The following IL12RB1 variants were observed in gnomAD, a reference collection of about 807,000 sequenced individuals.
The protein encoded by IL12RB1 is interleukin 12 receptor subunit beta 1, also known as interleukin-12 receptor subunit beta-1.
A neutral mutation model predicts 94.4 loss-of-function variants in IL12RB1; 64 were observed. The ratio of observed to expected loss-of-function variants is 0.68; its 90% confidence interval spans 0.55 to 0.83. The LOEUF is 0.83. Ranked by LOEUF, IL12RB1 falls within the 40% of genes least tolerant of loss-of-function variation. The pLI is 0.00. For synonymous variants in IL12RB1, 362 were observed against 355.5 expected (o/e 1.02, Z -0.21); for missense variants, 814 against 855.6 (o/e 0.95, Z 0.61).
intron 1 of IL12RB1, among the ~76,000 whole-genome samples, chr19:18,085,476 G>A (rs1269314934): frequency 6.6e-6 from 1 of 151,914 alleles, no homozygotes; most frequent in East Asian, 1.9e-4. Context: ...GCCATGCCTG[G>A]CCCCTGAAGG....
chr19:18,075,011 C>T (rs1214573225), intron 7 of IL12RB1, among the ~76,000 whole-genome samples: 1 of 151,138 alleles, frequency 6.6e-6, no homozygotes, highest in Non-Finnish European at 1.5e-5. Flanking sequence ...GAGATGGCGC[C>T]ACTGCACTCC....
At chr19:18,064,348 C>G (rs1224321259) in intron 12 of IL12RB1, among the ~76,000 whole-genome samples, 1 of 151,604 alleles carries the variant, frequency 6.6e-6, no homozygotes, top group African/African-American at 2.4e-5. Context: ...ACTGTGTTAG[C>G]CAGGATGGTC....
chr19:18,083,585 G>GGGGGGCCC, intron 1 of IL12RB1, 94 bp from the exon 2 acceptor site: 1 of 1,228,768 alleles, frequency 8.1e-7, no homozygotes, highest in Non-Finnish European at 1.2e-6. Flanking sequence ...GTGATCATCA[G>GGGGGGCCC]CCCTCCCACC....
At chr19:18,061,002 G>T (rs947435489) in intron 15 of IL12RB1, 120 bp downstream of exon 15, 1 of 698,086 alleles carries the variant, frequency 1.4e-6, no homozygotes, top group East Asian at 2.7e-5. Flanking sequence ...GGGGTATGGA[G>T]CACTGGTTTT....
intron 5 of IL12RB1, 61 bp downstream of exon 5, chr19:18,077,455 T>C (rs1004111086): frequency 1.4e-5 from 18 of 1,313,538 alleles, no homozygotes; most frequent in Non-Finnish European, 1.8e-5. Flanking sequence ...TGAGACTGAT[T>C]TGGGGGTGAA....
At chr19:18,097,495 G>T (rs1418660635) in intron 1 of IL12RB1, among the ~76,000 whole-genome samples, 1 of 152,186 alleles carries the variant, frequency 6.6e-6, no homozygotes, top group African/African-American at 2.4e-5. Context: ...ACTGCGCCCG[G>T]CCAATGCGCT....
chr19:18,090,405 C>G (rs1207148108), upstream of IL12RB1, among the ~76,000 whole-genome samples: 1 of 152,152 alleles, frequency 6.6e-6, no homozygotes, highest in Non-Finnish European at 1.5e-5. Context: ...TGGCCCCCTC[C>G]TGACCATCCT....
At chr19:18,073,053 CCTGA>C (rs1296645044) in intron 8 of IL12RB1, among the ~76,000 whole-genome samples, 3 of 151,556 alleles carry the variant, frequency 2.0e-5, no homozygotes, top group African/African-American at 7.3e-5. Context: ...CCATTAGGGA[CCTGA>C]CTAAGATGAC....
Position 18,062,282 on chromosome 19 carries a change from G to C in IL12RB1, c.1619-5C>G. 1 of 1,597,402 alleles carries C rather than the reference G, an allele frequency of 6.3e-7. No homozygotes were observed. Among genetic ancestry groups the C allele is most frequent in the Non-Finnish European group, 8.6e-7 (1 of 1,166,356 alleles). Reference sequence around the variant, plus strand: ...GCCAATCAGAAACCTGCACTTCTGAGGTGGGAGAGCGTGGGTTGGCAGAGG... The same window carrying C: ...GCCAATCAGAAACCTGCACTTCTGACGTGGGAGAGCGTGGGTTGGCAGAGG... On this transcript the variant is annotated splice_polypyrimidine_tract_variant and splice_region_variant and intron_variant, in intron 13 of 16. Transcript: ENST00000593993.
intron 10 of IL12RB1, among the ~76,000 whole-genome samples, chr19:18,068,998 C>T (rs2034811174): frequency 6.6e-6 from 1 of 150,648 alleles, no homozygotes; most frequent in South Asian, 2.1e-4. Flanking sequence ...GATCCACCTG[C>T]CTCAGCCTCC....
rs1599489227 is a variant in IL12RB1 at position 18,070,465 on chromosome 19, G to A, written c.1022-752C>T. 9 of 936,022 alleles carry A rather than the reference G, an allele frequency of 9.6e-6. No individual in the cohort carries two copies. The South Asian group carries it at 3.4e-4, about 36-fold the overall frequency. The allele number at this position is 936,022 out of a possible 1,614,324, so 58.0% of individuals were successfully genotyped here. On this transcript the variant is annotated intron_variant, in intron 9 of 16. Coordinates refer to ENST00000593993, the MANE Select transcript of IL12RB1 (RefSeq NM_005535.3). ...GGTCTCATGCCAAACTCAGAAGCAC[G>A]AGCACACACCCACTCAGTCCCTGGG...
intron 8 of IL12RB1, among the ~76,000 whole-genome samples, chr19:18,072,763 C>T (rs1188382042): frequency 1.3e-5 from 2 of 151,728 alleles, no homozygotes; most frequent in African/African-American, 4.8e-5. Context: ...CTGGCTAACA[C>T]GGTGAAACCC....
At chr19:18,091,868 C>CTTTT (rs1264996682), upstream of IL12RB1, among the ~76,000 whole-genome samples, 5 of 120,488 alleles carry the variant, frequency 4.1e-5, no homozygotes, top group Non-Finnish European at 8.6e-5. Flanking sequence ...CCTGGCTTTT[C>CTTTT]TTTTTTTTTT....
At chr19:18,092,905 GT>G (rs541560663) in intron 1 of IL12RB1, among the ~76,000 whole-genome samples, 7 of 152,276 alleles carry the variant, frequency 4.6e-5, no homozygotes, top group African/African-American at 1.7e-4. Context: ...TGTGAGGAGA[GT>G]TTTGATGGGT....
At chr19:18,068,569 TC>T in intron 10 of IL12RB1, 43 bp from the exon 11 acceptor site, 1 of 1,573,612 alleles carries the variant, frequency 6.4e-7, no homozygotes, top group African/African-American at 1.3e-5. Context: ...TAGATTGTGT[TC>T]CCACCTCTGC....
Position 18,069,687 on chromosome 19 carries a change from C to T in IL12RB1, c.1048G>A (p.Gly350Arg), listed in dbSNP as rs200811721. 1.4e-4 allele frequency: 229 copies of T among 1,612,496 alleles called. No homozygotes were observed. The highest frequency in any genetic ancestry group is 4.9e-4 in the Middle Eastern group (3 of 6,082). Residue 350 changes from glycine to arginine, a missense_variant, in exon 10 of 17, where the codon GGA becomes AGA. Gly to Arg is a moderately radical substitution (Grantham distance 125, BLOSUM62 -2). Transcript: ENST00000593993. ...TEPVALNISV[G>R]TNGTTMYWPA... ...CAATACATGGTGGTCCCGTTGGTTC[C>T]GACGCTGATATTCAGAGCCACTGGT...
intron 8 of IL12RB1, among the ~76,000 whole-genome samples, chr19:18,073,240 T>C (rs914237690): frequency 1.3e-5 from 2 of 152,136 alleles, no homozygotes; most frequent in African/African-American, 2.4e-5. Context: ...ATCTCCTTCC[T>C]GGCCTTCTGG....
At position 18,072,269 on chromosome 19, in the gene IL12RB1, C is replaced by T. The variant is rs1214653946; in HGVS notation, c.864G>A (p.Met288Ile). 6.2e-7 allele frequency: 1 copy of T among 1,614,098 alleles called. No homozygotes were observed. The highest frequency in any genetic ancestry group is 1.1e-5 in the South Asian group (1 of 91,078). ...CCTTGGCCTTACACGGGCAGGACAG[C>T]ATGTGGAGCTGTAGTCGGTAAGTGA... ...TEVTYRLQLH[M>I]LSCPCKAKAT... Residue 288 changes from methionine (M) to isoleucine (I), a missense_variant, in exon 9 of 17, where the codon ATG (methionine) becomes ATA (isoleucine). Physicochemically the swap from Met to Ile is conservative, Grantham distance 10. Coordinates refer to ENST00000593993, the MANE Select transcript of IL12RB1 (RefSeq NM_005535.3).
At chr19:18,062,384 C>T (rs2034205289) in intron 13 of IL12RB1, 107 bp from the exon 14 acceptor site, 1 of 656,786 alleles carries the variant, frequency 1.5e-6, no homozygotes. Context: ...GATCCTGGTG[C>T]ACATGCCACG....
Sources: gnomAD v4.1 joint callset for allele counts (sites outside exome capture counted in the v4.1 genomes callset) on GRCh38, gnomAD v4.1.1 for gene constraint, MANE v1.5 for transcripts, NCBI Gene and HGNC (gene_info 2026-07-23, HGNC 2026-07-21) for gene names.